The following SCUBE1 variants were observed in gnomAD, a reference collection of about 807,000 sequenced individuals.
SCUBE1 encodes signal peptide, CUB domain and EGF like domain containing 1.
Under a neutral mutation model 124.4 loss-of-function variants are expected in SCUBE1, and 59 were observed. The observed-to-expected ratio is 0.47, with a 90% CI of 0.38 to 0.59. The LOEUF (loss-of-function observed/expected upper bound fraction) is 0.59. SCUBE1 is among the 20% of genes least tolerant of loss of function. The pLI is 0.00. For missense variants in SCUBE1, 1,150 were observed against 1,371.2 expected, an observed-to-expected ratio of 0.84 and a Z score of 2.55; for synonymous variants, 545 against 550.9, an observed-to-expected ratio of 0.99 and a Z score of 0.15.
chr22:43,339,486 A>G (rs1927196232), intron 1 of SCUBE1, among the ~76,000 whole-genome samples: 1 of 151,924 alleles, frequency 6.6e-6, no homozygotes, highest in South Asian at 2.1e-4. Flanking sequence ...CATCCCATTG[A>G]GCTATTGTTC....
In SCUBE1 at chr22:43,234,042, C is replaced by T. The variant is rs548306020; in HGVS notation, c.845-2167G>A. On this transcript the variant is annotated intron_variant, in intron 7 of 21. Transcript: ENST00000360835. This position sits in a 1 kb window ranked among gnomAD's most constrained non-coding sequence, Gnocchi z 4.4. ...AGCCAGCACCATCCGAACCCAAAGA[C>T]GGGCCTGCTGCAGCACATCACGCTG... is the stretch of plus-strand genomic sequence containing the variant. Among the ~76,000 whole-genome samples, 43 of 152,162 alleles carry T rather than the reference C, an allele frequency of 2.8e-4. No homozygotes were observed. The highest frequency in any genetic ancestry group is 6.8e-3 in the Middle Eastern group (2 of 294).
intron 12 of SCUBE1, among the ~76,000 whole-genome samples, chr22:43,222,090 A>C (rs1168933260): frequency 6.6e-6 from 1 of 152,072 alleles, no homozygotes; most frequent in South Asian, 2.1e-4. Context: ...ATAATAAAGA[A>C]ACATACAGAA....
rs767043030 is a variant in SCUBE1 at position 43,229,124 on chromosome 22, G to A, written c.1032C>T (p.Phe344=). 4 of 1,614,034 alleles carry A rather than the reference G, an allele frequency of 2.5e-6. No homozygotes were observed. The Admixed American group carries it at 6.7e-5, about 27-fold the overall frequency. Residue 344 remains phenylalanine, a synonymous_variant, in exon 9 of 22, where the codon TTC becomes TTT. Coordinates refer to ENST00000360835, the MANE Select transcript of SCUBE1 (RefSeq NM_173050.5). ...DHICINSPGS[F]QCLCHRGYIL... is the part of the protein sequence containing the mutation. ...TGTAGCCGCGGTGACACAGGCACTG[G>A]AAGCTGCCCGGGGAGTTGATGCAGA...
At chr22:43,339,591 C>A (rs569071739) in intron 1 of SCUBE1, among the ~76,000 whole-genome samples, 1 of 150,750 alleles carries the variant, frequency 6.6e-6, no homozygotes, top group African/African-American at 2.5e-5. Flanking sequence ...TCACTCCAGC[C>A]CTCCCCTACT....
chr22:43,207,597 G>A lies in SCUBE1; in HGVS notation c.2751C>T (p.Leu917=). ...GCCCATCGCGCACGATGTCCTCTAT[G>A]AGTTGCTGGTAGTCCTCTGGGCAGC... ...YVTYDEDYQQ[L]IEDIVRDGRL... is the part of the protein sequence containing the mutation. Residue 917 remains leucine, a synonymous_variant, in exon 21 of 22, where the codon CTC becomes CTT. Coordinates refer to ENST00000360835, the MANE Select transcript of SCUBE1 (RefSeq NM_173050.5). 1 of 1,614,006 alleles carries A rather than the reference G, an allele frequency of 6.2e-7. No homozygotes were observed.
In SCUBE1 at chr22:43,199,427, T is replaced by C. The variant is rs943623958; in HGVS notation, c.*4570A>G. ...CATTCAGACAGAAAACTACGCTCGT[T>C]AGAGGTAGGGGAAATGGCTTCTCTC... On this transcript the variant is annotated 3_prime_UTR_variant, in exon 22 of 22. Transcript: ENST00000360835. 2.0e-5 allele frequency: 3 copies of C among 151,612 alleles called. 1 individual carries two copies. The highest frequency in any genetic ancestry group is 2.9e-5 in the Non-Finnish European group (2 of 68,328). 9.4% of individuals were successfully genotyped at this position (151,612 alleles called of 1,614,324 possible). A position where few individuals can be genotyped will look rare whatever the true frequency, so the allele number is the denominator to read the frequency against.
At position 43,258,687 on chromosome 22, in the gene SCUBE1, A is replaced by G. The variant is rs558112112; in HGVS notation, c.611-352T>C. ...GGACATTTTATAGCTGCCTGTCTTG[A>G]TGGGGCAAATGTTTGCCAATGCCAG... is the stretch of plus-strand genomic sequence containing the variant. On this transcript the variant is annotated intron_variant, in intron 5 of 21. Coordinates refer to ENST00000360835, the MANE Select transcript of SCUBE1 (RefSeq NM_173050.5). The surrounding 1 kb of genome is among the most constrained non-coding windows in gnomAD (Gnocchi z 5.0). 1.3e-5 allele frequency among the ~76,000 whole-genome samples: 2 copies of G among 152,168 alleles called. No individual in the cohort carries two copies. Among genetic ancestry groups the G allele is most frequent in the Non-Finnish European group, 1.5e-5 (1 of 68,028 alleles).
chr22:43,275,807 A>C (rs1924486289), intron 4 of SCUBE1: 1 of 152,570 alleles, frequency 6.6e-6, no homozygotes, highest in South Asian at 2.1e-4. Context: ...ACCAGGAGAG[A>C]GGAACTGGAC....
Position 43,210,974 on chromosome 22 carries a change from C to G in SCUBE1, c.2331G>C (p.Pro777=), listed in dbSNP as rs780769986. The G allele has an allele frequency of 1.9e-6, 3 of 1,614,108 alleles. No homozygotes were observed. The highest frequency in any genetic ancestry group is 4.5e-5 in the East Asian group (2 of 44,884). The change falls in exon 18 of 22, where the codon CCG becomes CCC. Residue 777 remains proline, a synonymous_variant. Coordinates refer to ENST00000360835, the MANE Select transcript of SCUBE1 (RefSeq NM_173050.5). This position sits in a 1 kb window ranked among gnomAD's most constrained non-coding sequence, Gnocchi z 4.5. ...EFGQNHCITC[P]GNTSTDFDGS... ...CATCGAAGTCTGTGCTGGTGTTGCC[C>G]GGACAGGTGATGCAGTGGTTCTGGC... is the stretch of plus-strand genomic sequence containing the variant.
At chr22:43,314,792 C>T (rs775786437) in intron 3 of SCUBE1, among the ~76,000 whole-genome samples, 6 of 152,114 alleles carry the variant, frequency 3.9e-5, no homozygotes, top group South Asian at 2.1e-4. Context: ...CACTTTCTGG[C>T]GCAAAATCCA....
intron 15 of SCUBE1, among the ~76,000 whole-genome samples, chr22:43,215,678 C>T (rs554107722): frequency 5.9e-5 from 9 of 152,158 alleles, no homozygotes; most frequent in East Asian, 1.9e-4. Flanking sequence ...GAGCTCTGAG[C>T]GTTAGCCTAG....
intron 15 of SCUBE1, among the ~76,000 whole-genome samples, chr22:43,217,694 C>T (rs1036167195): frequency 3.3e-5 from 5 of 152,206 alleles, no homozygotes; most frequent in Non-Finnish European, 7.4e-5. Context: ...ATGTGAGCTC[C>T]ACTAGAACTA....
At chr22:43,222,172 C>G (rs575431258) in intron 12 of SCUBE1, among the ~76,000 whole-genome samples, 25 of 152,358 alleles carry the variant, frequency 1.6e-4, no homozygotes, top group Non-Finnish European at 3.1e-4. Flanking sequence ...AGCTCCTTAG[C>G]TGGCAGGAGC....
chr22:43,251,237 G>A (rs976577429), intron 6 of SCUBE1, among the ~76,000 whole-genome samples: 1 of 152,206 alleles, frequency 6.6e-6, no homozygotes, highest in African/African-American at 2.4e-5. Context: ...AAGTGGGTGG[G>A]GTGCATCCCA....
Position 43,286,166 on chromosome 22 carries a change from T to G in SCUBE1, c.484+4880A>C, listed in dbSNP as rs78770684. On this transcript the variant is annotated intron_variant, in intron 4 of 21. Coordinates refer to ENST00000360835, the MANE Select transcript of SCUBE1 (RefSeq NM_173050.5). ...TCACATGAATAAGAGCCCGTGTTTA[T>G]TGAAACTGTCTTTTCAATACCTTTT... Among the ~76,000 whole-genome samples, 625 of 152,382 alleles carry G rather than the reference T, an allele frequency of 4.1e-3. 4 individuals carry two copies. The highest frequency in any genetic ancestry group is 0.014 in the African/African-American group (592 of 41,594).
At chr22:43,333,166 G>A (rs77888863) in intron 2 of SCUBE1, among the ~76,000 whole-genome samples, 7,092 of 152,298 alleles carry the variant, frequency 0.047, 216 homozygotes, top group African/African-American at 0.076. Flanking sequence ...CTGCCTCAAC[G>A]CCCTTCGAAG....
intron 8 of SCUBE1, among the ~76,000 whole-genome samples, chr22:43,229,632 C>T (rs760788544): frequency 1.3e-5 from 2 of 152,114 alleles, no homozygotes; most frequent in Admixed American, 6.5e-5. Context: ...AGCATCTTTC[C>T]CCATCACCCC....
rs147731861 is a variant in SCUBE1, at chr22:43,329,012, TGTCTAGAGAAGAC to T, written c.221-8960_221-8948del. On this transcript the variant is annotated intron_variant, in intron 2 of 21. Transcript: ENST00000360835. ...TCTACCTTCCTCACCTTGACACAATTGTCTAGAGAAGACGGCATCTCTGTGAACCAGGAATCTG... is the reference window on the plus strand; with the variant it reads ...TCTACCTTCCTCACCTTGACACAATTGGCATCTCTGTGAACCAGGAATCTG... Among the ~76,000 whole-genome samples the T allele has an allele frequency of 8.2e-3, 1,255 of 152,294 alleles. 22 individuals carry two copies. Among genetic ancestry groups the T allele is most frequent in the African/African-American group, 0.029 (1,207 of 41,554 alleles).
chr22:43,239,260 A>G (rs1387285668), intron 6 of SCUBE1, among the ~76,000 whole-genome samples: 1 of 152,254 alleles, frequency 6.6e-6, no homozygotes, highest in African/African-American at 2.4e-5. Flanking sequence ...CAAAACTGCT[A>G]TCTGGGGCCA....
Sources: gnomAD v4.1 joint callset for allele counts (sites outside exome capture counted in the v4.1 genomes callset) on GRCh38, gnomAD v4.1.1 for gene constraint, Gnocchi (gnomAD v3.1) non-coding constraint, MANE v1.5 for transcripts, NCBI Gene and HGNC (gene_info 2026-07-23, HGNC 2026-07-21) for gene names.